The following ACTR3 variants were observed in gnomAD, a reference collection of about 807,000 sequenced individuals.
ACTR3 encodes the protein actin-related protein 3.
ACTR3 carries 12 observed loss-of-function variants against 56.8 expected under a neutral mutation model. The observed-to-expected ratio is 0.21, with a 90% CI of 0.14 to 0.34. ACTR3 has a LOEUF of 0.34. Among genes scored for constraint, ACTR3 ranks in the 10% least tolerant of loss-of-function variants. ACTR3 has a pLI of 1.00. For synonymous variants in ACTR3, 162 were observed against 167.4 expected (o/e 0.97, Z 0.25); for missense variants, 282 against 512.5 (o/e 0.55, Z 4.34).
chr2:113,941,284 A>G (rs1437675754), intron 7 of ACTR3, among the ~76,000 whole-genome samples: 1 of 152,214 alleles, frequency 6.6e-6, no homozygotes, highest in Non-Finnish European at 1.5e-5. Context: ...TCTTTGGGAA[A>G]TCTGTGAAAT....
chr2:113,935,336 G>A (rs540490110), intron 6 of ACTR3, among the ~76,000 whole-genome samples: 2 of 152,254 alleles, frequency 1.3e-5, no homozygotes, highest in East Asian at 3.9e-4. Context: ...AAGGAACCCT[G>A]TAACTATTAA....
Position 113,890,327 on chromosome 2 carries a change from AGGGG to A in ACTR3, c.44+6_44+9del. 4.9e-6 allele frequency: 2 copies of A among 412,148 alleles called. No individual in the cohort carries two copies. Among genetic ancestry groups the A allele is most frequent in the Non-Finnish European group, 7.0e-6 (2 of 286,264 alleles). 25.5% of individuals were successfully genotyped at this position (412,148 alleles called of 1,614,324 possible). A position where few individuals can be genotyped will look rare whatever the true frequency, so the allele number is the denominator to read the frequency against. On this transcript the variant is annotated splice_donor_5th_base_variant and intron_variant, in intron 1 of 11. Coordinates refer to ENST00000263238, the MANE Select transcript of ACTR3 (RefSeq NM_005721.5). Reference sequence around the variant, plus strand: ...GTGTGGTGGACTGTGGCACGGGGTAAGGGGGCTTACGGGCGGGGGTGGGGAAACT... The same window carrying A: ...GTGTGGTGGACTGTGGCACGGGGTAAGCTTACGGGCGGGGGTGGGGAAACT...
intron 1 of ACTR3, among the ~76,000 whole-genome samples, chr2:113,895,059 T>TCCCCCCCCCCCCCCCC (rs61667793): frequency 1.8e-5 from 2 of 111,366 alleles, no homozygotes; most frequent in African/African-American, 6.8e-5. Context: ...TGGTTTAGGT[T>TCCCCCCCCCCCCCCCC]CCCCCCCCCC....
intron 1 of ACTR3, among the ~76,000 whole-genome samples, chr2:113,899,981 G>T (rs984510402): frequency 2.6e-5 from 4 of 152,206 alleles, no homozygotes; most frequent in Non-Finnish European, 4.4e-5. Flanking sequence ...CGATTTATTT[G>T]ATAGACAGTA....
intron 4 of ACTR3, among the ~76,000 whole-genome samples, chr2:113,929,627 C>T (rs1032173913): frequency 3.9e-5 from 6 of 151,988 alleles, no homozygotes; most frequent in Admixed American, 2.0e-4. Context: ...TGCACACCCC[C>T]CAGTGATGCA....
intron 3 of ACTR3, among the ~76,000 whole-genome samples, chr2:113,926,759 T>C (rs1250468160): frequency 1.3e-5 from 2 of 152,204 alleles, no homozygotes; most frequent in East Asian, 3.8e-4. Flanking sequence ...CACTGGGAAT[T>C]AAATTTTAAC....
intron 4 of ACTR3, among the ~76,000 whole-genome samples, chr2:113,930,173 A>G (rs1041681037): frequency 6.6e-6 from 1 of 151,742 alleles, no homozygotes; most frequent in African/African-American, 2.4e-5. Flanking sequence ...CTTGGAGTTT[A>G]TAATTTCACT....
intron 8 of ACTR3, 120 bp from the exon 9 acceptor site, chr2:113,951,359 C>T (rs1485566037): frequency 5.2e-6 from 3 of 581,694 alleles, no homozygotes; most frequent in Non-Finnish European, 9.2e-6. Flanking sequence ...CTGTTAGAGA[C>T]CAGTATTAGT....
intron 1 of ACTR3, among the ~76,000 whole-genome samples, chr2:113,893,807 C>T (rs558280296): frequency 6.6e-6 from 1 of 152,068 alleles, no homozygotes; most frequent in African/African-American, 2.4e-5. Context: ...TAATATAGCC[C>T]TATGGTCAAA....
intron 4 of ACTR3, among the ~76,000 whole-genome samples, chr2:113,929,414 C>T (rs1679678884): frequency 1.3e-5 from 2 of 152,164 alleles, no homozygotes; most frequent in Non-Finnish European, 1.5e-5. Flanking sequence ...GTGCTGCCAC[C>T]ATGCCTGGCT....
chr2:113,908,370 A>C lies in ACTR3; in HGVS notation c.45-4802A>C, dbSNP rs1395404411. Among the ~76,000 whole-genome samples, 6 of 151,888 alleles carry C rather than the reference A, an allele frequency of 4.0e-5. No individual in the cohort carries two copies. In the South Asian group the frequency reaches 8.3e-4, roughly 21 times the overall value. On this transcript the variant is annotated intron_variant, in intron 1 of 11. Transcript: ENST00000263238. ...AGTTCATAAAAATATCTTAAGGATA[A>C]TATGTAGTTATTTCATGTGTAAAAC...
chr2:113,913,710 G>C (rs1260283683), intron 2 of ACTR3, among the ~76,000 whole-genome samples: 1 of 152,152 alleles, frequency 6.6e-6, no homozygotes, highest in African/African-American at 2.4e-5. Context: ...GTTGACCTCA[G>C]CTGTTTTCTA....
Position 113,951,460 on chromosome 2 carries a change from T to C in ACTR3, c.859-19T>C. 6.6e-7 allele frequency: 1 copy of C among 1,514,954 alleles called. No individual in the cohort carries two copies. 93.8% of individuals were successfully genotyped at this position (1,514,954 alleles called of 1,614,324 possible). A position where few individuals can be genotyped will look rare whatever the true frequency, so the allele number is the denominator to read the frequency against. ...CAGTAGTGATATGATCTCTATTATA[T>C]ATCCAACTTATTTTTCAGTTTGCTA... On this transcript the variant is annotated intron_variant, in intron 8 of 11. Transcript: ENST00000263238.
intron 8 of ACTR3, among the ~76,000 whole-genome samples, chr2:113,945,198 CAT>C (rs1002032124): frequency 2.0e-5 from 3 of 152,126 alleles, no homozygotes; most frequent in Non-Finnish European, 2.9e-5. Flanking sequence ...TTTATCAAAA[CAT>C]AAAGATTAAG....
chr2:113,955,301 G>T, intron 10 of ACTR3: 1 of 183,314 alleles, frequency 5.5e-6, no homozygotes, highest in Non-Finnish European at 1.1e-5. Context: ...ACTTTGTTTT[G>T]CCCCAACCTC....
intron 2 of ACTR3, among the ~76,000 whole-genome samples, chr2:113,916,274 T>C (rs1194652115): frequency 6.6e-6 from 1 of 152,164 alleles, no homozygotes; most frequent in Non-Finnish European, 1.5e-5. Context: ...CATAACAAGT[T>C]TTAGCTTTCA....
chr2:113,958,716 G>C lies in ACTR3; in HGVS notation c.*1261G>C, dbSNP rs1399909832. 6.6e-6 allele frequency: 1 copy of C among 151,520 alleles called. No individual in the cohort carries two copies. Among genetic ancestry groups the C allele is most frequent in the Non-Finnish European group, 1.5e-5 (1 of 67,858 alleles). The allele number at this position is 151,520 out of a possible 1,614,324, so 9.4% of individuals were successfully genotyped here. On this transcript the variant is annotated 3_prime_UTR_variant, in exon 12 of 12. Coordinates refer to ENST00000263238, the MANE Select transcript of ACTR3 (RefSeq NM_005721.5). Reference sequence around the variant, plus strand: ...TAATGTGTATGGTAGAAAATTTCTTGTGACCTTAAAATTTTACCAGTTATT... The same window carrying C: ...TAATGTGTATGGTAGAAAATTTCTTCTGACCTTAAAATTTTACCAGTTATT...
intron 10 of ACTR3, chr2:113,954,292 G>C (rs1198187523): frequency 1.3e-4 from 20 of 148,366 alleles, no homozygotes; most frequent in Admixed American, 1.3e-3. Flanking sequence ...AGACTATCCT[G>C]TTTCTCTTTT....
intron 3 of ACTR3, among the ~76,000 whole-genome samples, chr2:113,921,705 A>G (rs1679514749): frequency 6.6e-6 from 1 of 152,186 alleles, no homozygotes; most frequent in African/African-American, 2.4e-5. Context: ...TGGGTAGTGT[A>G]GAGAGGAGAA....
Sources: allele counts gnomAD v4.1 joint callset (sites outside exome capture counted in the v4.1 genomes callset), GRCh38; gene constraint gnomAD v4.1.1; transcripts MANE v1.5; gene names NCBI Gene and HGNC (gene_info 2026-07-23, HGNC 2026-07-21).